The following ADGRG5 variants were observed in gnomAD, a reference collection of about 807,000 sequenced individuals.
ADGRG5 encodes the protein adhesion G protein-coupled receptor G5.
ADGRG5 carries 37 observed loss-of-function variants against 53.2 expected under a neutral mutation model. That is an observed-to-expected ratio of 0.70 (90% CI 0.53 to 0.91). The LOEUF is 0.91. Ranked by LOEUF, ADGRG5 falls within the 40% of genes least tolerant of loss-of-function variation. ADGRG5 has a pLI of 0.00. For missense variants in ADGRG5, 614 were observed against 675.8 expected, an observed-to-expected ratio of 0.91 and a Z score of 1.01; for synonymous variants, 277 against 290.4, an observed-to-expected ratio of 0.95 and a Z score of 0.47.
At chr16:57,570,803 G>T (rs1042074391) in intron 10 of ADGRG5, among the ~76,000 whole-genome samples, 1 of 152,152 alleles carries the variant, frequency 6.6e-6, no homozygotes, top group African/African-American at 2.4e-5. Flanking sequence ...CGGGCCTCCC[G>T]CCTCCTCTGT....
At chr16:57,536,333 G>C in the ADGRG5 span, among the ~76,000 whole-genome samples, 1 of 152,126 alleles carries the variant, frequency 6.6e-6, no homozygotes, top group South Asian at 2.1e-4. Context: ...GAGGCGTCTA[G>C]AAAGTTCTGC....
At chr16:57,534,824 C>T in the ADGRG5 span, among the ~76,000 whole-genome samples, 1 of 152,198 alleles carries the variant, frequency 6.6e-6, no homozygotes. Flanking sequence ...AATAAGAGGT[C>T]ATCTCACGGC....
intron 5 of ADGRG5, among the ~76,000 whole-genome samples, chr16:57,564,708 G>A (rs1157555940): frequency 6.6e-6 from 1 of 152,158 alleles, no homozygotes; most frequent in African/African-American, 2.4e-5. Flanking sequence ...GGCAGTCCAG[G>A]GGAGTTTCTG....
chr16:57,544,177 G>C (rs2032562315), intron 1 of ADGRG5, among the ~76,000 whole-genome samples: 2 of 152,168 alleles, frequency 1.3e-5, no homozygotes, highest in African/African-American at 2.4e-5. Flanking sequence ...CTGGGTTTGA[G>C]TCCCAGCTTG....
chr16:57,555,478 C>A (rs2032862101), intron 1 of ADGRG5, among the ~76,000 whole-genome samples: 1 of 152,200 alleles, frequency 6.6e-6, no homozygotes, highest in Admixed American at 6.5e-5. Flanking sequence ...TTCTTCATAG[C>A]AGCATGAGAA....
At chr16:57,573,818 T>G (rs1169445517) in intron 10 of ADGRG5, among the ~76,000 whole-genome samples, 5 of 152,016 alleles carry the variant, frequency 3.3e-5, no homozygotes, top group African/African-American at 9.7e-5. Context: ...GCCTCTCGGG[T>G]TCAAGTGATT....
chr16:57,556,116 T>G (rs542656771), intron 1 of ADGRG5, among the ~76,000 whole-genome samples: 1 of 152,344 alleles, frequency 6.6e-6, no homozygotes, highest in African/African-American at 2.4e-5. Flanking sequence ...GATGGCTCTT[T>G]ATAGCAGTGT....
chr16:57,576,619 A>G lies in ADGRG5; in HGVS notation c.*1081A>G, dbSNP rs1596807651. On this transcript the variant is annotated 3_prime_UTR_variant, in exon 12 of 12. Transcript: ENST00000349457. ...CCAAGACTGCATCTAGAATCGCTCA[A>G]ACACCTGTTTGCAGACCCCATGCAC... 6.6e-6 allele frequency: 1 copy of G among 152,152 alleles called. No homozygotes were observed. The highest frequency in any genetic ancestry group is 1.9e-4 in the East Asian group (1 of 5,186). 9.4% of individuals were successfully genotyped at this position (152,152 alleles called of 1,614,324 possible). A position where few individuals can be genotyped will look rare whatever the true frequency, so the allele number is the denominator to read the frequency against.
At chr16:57,575,407 GC>G in intron 11 of ADGRG5, 30 bp from the exon 12 acceptor site, 2 of 1,592,536 alleles carry the variant, frequency 1.3e-6, no homozygotes, top group East Asian at 4.5e-5. Flanking sequence ...AGCCCATGCT[GC>G]CCCGTGGAAC....
At chr16:57,567,347 G>A (rs2033161548) in intron 7 of ADGRG5, 123 bp from the exon 8 acceptor site, 1 of 1,110,378 alleles carries the variant, frequency 9.0e-7, no homozygotes, top group Admixed American at 2.4e-5. Flanking sequence ...TTCAAGCCAG[G>A]TCCATGGCTA....
chr16:57,534,007 C>G, the ADGRG5 span, among the ~76,000 whole-genome samples: 1 of 152,208 alleles, frequency 6.6e-6, no homozygotes, highest in East Asian at 1.9e-4. Flanking sequence ...CCCCACCCTT[C>G]GTTGTCCTGC....
intron 9 of ADGRG5, among the ~76,000 whole-genome samples, chr16:57,568,647 C>T (rs373145857): frequency 1.3e-5 from 2 of 151,406 alleles, no homozygotes; most frequent in Non-Finnish European, 2.9e-5. Context: ...CCTCCTTCAC[C>T]ACCACCATCA....
At chr16:57,571,409 C>A (rs2033353387) in intron 10 of ADGRG5, among the ~76,000 whole-genome samples, 2 of 151,910 alleles carry the variant, frequency 1.3e-5, no homozygotes, top group Non-Finnish European at 2.9e-5. Context: ...CAGGCTGGTC[C>A]AGAGCCTGGC....
chr16:57,563,933 A>T lies in ADGRG5; in HGVS notation c.383A>T (p.Glu128Val). 1 of 1,614,030 alleles carries T rather than the reference A, an allele frequency of 6.2e-7. No homozygotes were observed. Among genetic ancestry groups the T allele is most frequent in the Non-Finnish European group, 8.5e-7 (1 of 1,179,944 alleles). Residue 128 changes from glutamate (E) to valine (V), a missense_variant, in exon 5 of 12, where the codon GAG becomes GTG. Coordinates refer to ENST00000349457, the MANE Select transcript of ADGRG5 (RefSeq NM_001304376.3). ...TRDACKTRPR[E>V]LRLICIYFSN... is the part of the protein sequence containing the mutation. ...GACGCCTGCAAGACCCGCCCCAGGG[A>T]GCTGCGGCTCATCTGTATCTACTTC...
chr16:57,567,833 G>A, intron 8 of ADGRG5, 23 bp from the exon 9 acceptor site: 1 of 1,598,756 alleles, frequency 6.3e-7, no homozygotes. Flanking sequence ...CTGGGCCATG[G>A]AGGACCATTC....
the ADGRG5 span, chr16:57,529,090 C>T: frequency 8.5e-7 from 1 of 1,172,954 alleles, no homozygotes; most frequent in East Asian, 3.8e-5. The surrounding 1 kb of genome is among the most constrained non-coding windows in gnomAD (Gnocchi z 4.1). Context: ...CCCATGCGCT[C>T]CGGCGACGGG....
chr16:57,567,144 C>G (rs1472541445), intron 7 of ADGRG5, among the ~76,000 whole-genome samples: 1 of 152,212 alleles, frequency 6.6e-6, no homozygotes, highest in Admixed American at 6.5e-5. Flanking sequence ...GTGCTCATCC[C>G]TGACCCAATC....
In ADGRG5 at chr16:57,567,897, A is replaced by C. The variant is rs1181088191; in HGVS notation, c.863A>C (p.His288Pro). ...TTAACACGCATCCACATGAACCTGC[A>C]TGCCTCCGTGCTGCTCCTGAACATC... ...DSLTRIHMNL[H>P]ASVLLLNIAF... The change falls in exon 9 of 12, where the codon CAT becomes CCT. Residue 288 changes from histidine to proline, a missense_variant. Coordinates refer to ENST00000349457, the MANE Select transcript of ADGRG5 (RefSeq NM_001304376.3). 3 of 1,612,946 alleles carry C rather than the reference A, an allele frequency of 1.9e-6. No homozygotes were observed. The African/African-American group carries it at 4.0e-5, about 22-fold the overall frequency.
In ADGRG5 at chr16:57,574,767, G is replaced by A. The variant is rs201469244; in HGVS notation, c.1209-48G>A. 1.4e-5 allele frequency: 21 copies of A among 1,520,486 alleles called. No homozygotes were observed. The East Asian group carries it at 2.5e-4, about 18-fold the overall frequency. 94.2% of individuals were successfully genotyped at this position (1,520,486 alleles called of 1,614,324 possible). A position where few individuals can be genotyped will look rare whatever the true frequency, so the allele number is the denominator to read the frequency against. ...TTCAGGGAGTGATGCTGGCCTCCCC[G>A]CGGGCCTGGGAGCCACTGTGAGCCT... is the stretch of plus-strand genomic sequence containing the variant. On this transcript the variant is annotated intron_variant, in intron 10 of 11. Transcript: ENST00000349457. This position sits in a 1 kb window ranked among gnomAD's most constrained non-coding sequence, Gnocchi z 4.4.
Sources: allele counts gnomAD v4.1 joint callset (sites outside exome capture counted in the v4.1 genomes callset), GRCh38; gene constraint gnomAD v4.1.1; non-coding constraint Gnocchi (gnomAD v3.1); transcripts MANE v1.5; gene names NCBI Gene and HGNC (gene_info 2026-07-23, HGNC 2026-07-21).